AAMDC: variants seen among roughly 807,000 people sequenced by gnomAD.
AAMDC encodes the protein adipogenesis associated Mth938 domain containing.
AAMDC carries 16 observed loss-of-function variants against 15.5 expected under a neutral mutation model. The ratio of observed to expected loss-of-function variants is 1.03; its 90% CI spans 0.70 to 1.57. AAMDC has a LOEUF of 1.57. Among genes scored for constraint, AAMDC ranks in the 40% most tolerant of loss-of-function variants. AAMDC has a pLI of 0.00. For missense variants in AAMDC, 141 were observed against 144.9 expected (o/e 0.97, Z 0.14); for synonymous variants, 51 against 51.6 (o/e 0.99, Z 0.05).
intron 5 of AAMDC, chr11:77,891,251 G>T: frequency 1.4e-6 from 2 of 1,476,114 alleles, no homozygotes; most frequent in South Asian, 2.4e-5. Context: ...GACTACAGGG[G>T]TGCTAACATT....
At chr11:77,884,355 C>G (rs893021859) in intron 5 of AAMDC, among the ~76,000 whole-genome samples, 4 of 152,312 alleles carry the variant, frequency 2.6e-5, no homozygotes, top group Admixed American at 2.6e-4. Context: ...TGCATTCTTT[C>G]CACTACATTG....
intron 5 of AAMDC, among the ~76,000 whole-genome samples, chr11:77,886,900 C>G (rs1013234730): frequency 6.6e-6 from 1 of 151,966 alleles, no homozygotes; most frequent in Admixed American, 6.6e-5. Flanking sequence ...TTGAAACCAA[C>G]GAGAACAAAG....
chr11:77,868,234 T>C (rs1388242777), intron 2 of AAMDC, among the ~76,000 whole-genome samples: 1 of 151,378 alleles, frequency 6.6e-6, no homozygotes, highest in Non-Finnish European at 1.5e-5. Context: ...TTTTTGTATG[T>C]TTAGTGGAGA....
At chr11:77,889,935 GT>G (rs892968085) in intron 5 of AAMDC, among the ~76,000 whole-genome samples, 34 of 152,230 alleles carry the variant, frequency 2.2e-4, no homozygotes, top group South Asian at 1.2e-3. Flanking sequence ...GATCAGTGAA[GT>G]TTTTTTCAGG....
intron 1 of AAMDC, among the ~76,000 whole-genome samples, chr11:77,831,233 C>A (rs191167405): frequency 7.2e-5 from 11 of 152,290 alleles, no homozygotes; most frequent in African/African-American, 2.4e-4. Context: ...GAAAGCAGAA[C>A]CCTCATCACT....
chr11:77,859,183 CTTCTT>C (rs1950767803), intron 2 of AAMDC, among the ~76,000 whole-genome samples: 1 of 152,206 alleles, frequency 6.6e-6, no homozygotes, highest in African/African-American at 2.4e-5. Context: ...CATTCTATTT[CTTCTT>C]TTGAGTACAG....
chr11:77,897,310 G>A (rs942267137), intron 5 of AAMDC, among the ~76,000 whole-genome samples: 4 of 151,294 alleles, frequency 2.6e-5, no homozygotes, highest in African/African-American at 7.3e-5. Context: ...CCTGGACAAC[G>A]CAGTGAAACC....
At chr11:77,891,757 T>C (rs1329995787) in intron 5 of AAMDC, 10 of 1,611,858 alleles carry the variant, frequency 6.2e-6, no homozygotes, top group Non-Finnish European at 8.5e-6. Flanking sequence ...TTCTGCAGGT[T>C]TGGATGTCAT....
At chr11:77,845,502 C>T (rs1950108860) in intron 2 of AAMDC, among the ~76,000 whole-genome samples, 1 of 152,072 alleles carries the variant, frequency 6.6e-6, no homozygotes, top group Admixed American at 6.6e-5. Context: ...ACAATTTCAG[C>T]TCACTGCAAC....
intron 5 of AAMDC, among the ~76,000 whole-genome samples, chr11:77,879,982 A>G (rs889471243): frequency 6.6e-6 from 1 of 152,174 alleles, no homozygotes; most frequent in Non-Finnish European, 1.5e-5. Context: ...CCCCAGATGC[A>G]CACCTGGGTA....
chr11:77,884,041 CAAG>C (rs1412347472), intron 5 of AAMDC: 18 of 1,325,878 alleles, frequency 1.4e-5, no homozygotes, highest in Non-Finnish European at 1.8e-5. Flanking sequence ...CCTCAAAACA[CAAG>C]AAGAAACATG....
intron 1 of AAMDC, chr11:77,841,182 A>G (rs1949916015): frequency 2.8e-6 from 2 of 702,040 alleles, no homozygotes; most frequent in Non-Finnish European, 5.2e-6. Flanking sequence ...AGCATAATCT[A>G]TTCATGAGGG....
intron 1 of AAMDC, among the ~76,000 whole-genome samples, chr11:77,832,769 G>A (rs1334919660): frequency 6.6e-6 from 1 of 150,796 alleles, no homozygotes; most frequent in Non-Finnish European, 1.5e-5. Flanking sequence ...TGTATACCCA[G>A]GCTTATAGTG....
At chr11:77,831,487 A>C (rs565079292) in intron 1 of AAMDC, among the ~76,000 whole-genome samples, 5 of 152,238 alleles carry the variant, frequency 3.3e-5, no homozygotes, top group Non-Finnish European at 5.9e-5. Context: ...ACTCCTTGAA[A>C]TTCTTACTTA....
At chr11:77,830,839 A>T (rs1949388765) in intron 1 of AAMDC, among the ~76,000 whole-genome samples, 1 of 152,014 alleles carries the variant, frequency 6.6e-6, no homozygotes. Flanking sequence ...AATGAAAACC[A>T]CAATGAAATA....
downstream of AAMDC, among the ~76,000 whole-genome samples, chr11:77,873,279 G>A (rs1951506024): frequency 6.6e-6 from 1 of 152,144 alleles, no homozygotes; most frequent in South Asian, 2.1e-4. Flanking sequence ...AGTCATTGTA[G>A]GTATTAAATG....
chr11:77,885,411 T>C (rs1362481863), intron 5 of AAMDC, among the ~76,000 whole-genome samples: 1 of 151,856 alleles, frequency 6.6e-6, no homozygotes, highest in Non-Finnish European at 1.5e-5. Flanking sequence ...CTCCCCACTC[T>C]AGTTCTAGGC....
intron 5 of AAMDC, among the ~76,000 whole-genome samples, chr11:77,887,387 A>C (rs1327895794): frequency 6.6e-6 from 1 of 152,136 alleles, no homozygotes; most frequent in Non-Finnish European, 1.5e-5. Context: ...CATGCTAAAA[A>C]CTCTCAATAA....
intron 2 of AAMDC, among the ~76,000 whole-genome samples, chr11:77,848,603 G>T (rs983070006): frequency 6.6e-6 from 1 of 152,106 alleles, no homozygotes; most frequent in African/African-American, 2.4e-5. Flanking sequence ...CAGGTGATCC[G>T]CCTGCTTTGA....
Sources: gnomAD v4.1 joint callset for allele counts (sites outside exome capture counted in the v4.1 genomes callset) on GRCh38, gnomAD v4.1.1 for gene constraint, MANE v1.5 for transcripts, NCBI Gene and HGNC (gene_info 2026-07-23, HGNC 2026-07-21) for gene names.